SORCS3: variants seen among roughly 807,000 people sequenced by gnomAD.
The protein encoded by SORCS3 is VPS10 domain-containing receptor SorCS3.
In SORCS3, 57 loss-of-function variants were observed where a neutral mutation model predicts 146.3. The ratio of observed to expected loss-of-function variants is 0.39; its 90% CI spans 0.31 to 0.49. The LOEUF is 0.49. Among genes scored for constraint, SORCS3 ranks in the 20% least tolerant of loss-of-function variants. The pLI is 0.92. For missense variants in SORCS3, 1,341 were observed against 1,575.5 expected, an observed-to-expected ratio of 0.85 and a Z score of 2.52; for synonymous variants, 653 against 618.5, an observed-to-expected ratio of 1.06 and a Z score of -0.83.
chr10:104,989,362 C>A (rs1024435816), intron 4 of SORCS3, among the ~76,000 whole-genome samples: 4 of 152,156 alleles, frequency 2.6e-5, no homozygotes, highest in African/African-American at 9.7e-5. Context: ...AGAACATTGA[C>A]TTCTTACTTA....
At chr10:104,886,967 G>A (rs911039196) in intron 2 of SORCS3, among the ~76,000 whole-genome samples, 1 of 152,162 alleles carries the variant, frequency 6.6e-6, no homozygotes, top group Non-Finnish European at 1.5e-5. Context: ...TAATATTTAT[G>A]TGGGAGTATT....
chr10:104,960,635 A>C (rs764225447), intron 3 of SORCS3, among the ~76,000 whole-genome samples: 6 of 152,192 alleles, frequency 3.9e-5, no homozygotes, highest in Non-Finnish European at 8.8e-5. Context: ...TTGATACATT[A>C]GTAAGGACAG....
rs72813694 is a variant in SORCS3 at position 104,744,098 on chromosome 10, C to T, written c.628-98694C>T. 6.5e-3 allele frequency among the ~76,000 whole-genome samples: 991 copies of T among 152,310 alleles called. 2 individuals are homozygous for T. The highest frequency in any genetic ancestry group is 0.014 in the Admixed American group (218 of 15,294). On this transcript the variant is annotated intron_variant, in intron 1 of 26. Transcript: ENST00000369701. ...ATGAAGAAATCAACCCTTAAAAACT[C>T]GGTGGGCTTGCCCATGGTGGCTGGC...
chr10:104,648,682 T>C (rs2015524717), intron 1 of SORCS3, among the ~76,000 whole-genome samples: 1 of 152,250 alleles, frequency 6.6e-6, no homozygotes, highest in Non-Finnish European at 1.5e-5. Flanking sequence ...GAATCAAGCC[T>C]GGTTACATCA....
intron 4 of SORCS3, among the ~76,000 whole-genome samples, chr10:104,984,981 C>T (rs2054953846): frequency 6.6e-6 from 1 of 152,106 alleles, no homozygotes. Flanking sequence ...TTATAGATGA[C>T]TCCTAAGGGT....
At chr10:104,749,923 A>T (rs536329776) in intron 1 of SORCS3, among the ~76,000 whole-genome samples, 1 of 152,352 alleles carries the variant, frequency 6.6e-6, no homozygotes, top group East Asian at 1.9e-4. Flanking sequence ...TTCCTTGCAA[A>T]AACAATGAAA....
intron 3 of SORCS3, among the ~76,000 whole-genome samples, chr10:104,927,771 G>A (rs543052023): frequency 2.6e-5 from 4 of 152,008 alleles, no homozygotes; most frequent in Admixed American, 6.5e-5. Flanking sequence ...CTAGCTACTC[G>A]GGAGGCTGAG....
At chr10:105,254,499 C>T (rs2119758749) in intron 23 of SORCS3, among the ~76,000 whole-genome samples, 1 of 152,312 alleles carries the variant, frequency 6.6e-6, no homozygotes, top group East Asian at 1.9e-4. Flanking sequence ...CTATAGTTGT[C>T]TCTCAGTATA....
At chr10:104,731,618 T>C (rs1232764260) in intron 1 of SORCS3, among the ~76,000 whole-genome samples, 3 of 152,216 alleles carry the variant, frequency 2.0e-5, no homozygotes, top group Non-Finnish European at 4.4e-5. Context: ...CACTGTGATG[T>C]GTCTCCATGT....
At chr10:105,188,863 G>A (rs2056495823) in intron 14 of SORCS3, among the ~76,000 whole-genome samples, 1 of 152,194 alleles carries the variant, frequency 6.6e-6, no homozygotes, top group South Asian at 2.1e-4. Context: ...CTGGGTGAAA[G>A]GATTGAGTCG....
intron 12 of SORCS3, among the ~76,000 whole-genome samples, chr10:105,165,513 A>G (rs904785313): frequency 2.0e-5 from 3 of 152,176 alleles, no homozygotes; most frequent in African/African-American, 7.2e-5. Context: ...CGTTGTAAAA[A>G]TTAACAAGTA....
chr10:104,978,912 C>T (rs931949820), intron 4 of SORCS3, among the ~76,000 whole-genome samples: 1 of 152,188 alleles, frequency 6.6e-6, no homozygotes, highest in Non-Finnish European at 1.5e-5. Context: ...CCTTCTCTCT[C>T]CTGGTTCACT....
chr10:104,887,880 A>G (rs777218687), intron 2 of SORCS3, among the ~76,000 whole-genome samples: 3 of 147,420 alleles, frequency 2.0e-5, no homozygotes, highest in Non-Finnish European at 3.0e-5. Context: ...TGAGGTGTCT[A>G]AGTACAGATG....
chr10:104,847,172 G>A (rs975644576), intron 2 of SORCS3, among the ~76,000 whole-genome samples: 19 of 152,144 alleles, frequency 1.2e-4, no homozygotes, highest in Admixed American at 1.2e-3. Flanking sequence ...CTCTGCCTCA[G>A]TTGGTGGCAT....
intron 18 of SORCS3, 100 bp from the exon 19 acceptor site, chr10:105,216,836 A>G (rs1314798930): frequency 2.6e-6 from 3 of 1,141,552 alleles, no homozygotes; most frequent in East Asian, 2.4e-5. Context: ...GGGAAAGACT[A>G]TGGGTCATCA....
At chr10:104,690,983 G>A (rs1368877723) in intron 1 of SORCS3, among the ~76,000 whole-genome samples, 2 of 152,228 alleles carry the variant, frequency 1.3e-5, no homozygotes, top group Non-Finnish European at 2.9e-5. Flanking sequence ...TAGTTCAGGT[G>A]TGTGATTACA....
chr10:105,242,476 T>TTATATATATTTA (rs1473661831), intron 20 of SORCS3, among the ~76,000 whole-genome samples: 2 of 79,688 alleles, frequency 2.5e-5, no homozygotes, highest in Non-Finnish European at 4.3e-5. Flanking sequence ...ATTTATATAT[T>TTATATATATTTA]TATATATTTA....
intron 5 of SORCS3, among the ~76,000 whole-genome samples, chr10:105,065,801 AG>A (rs1470732525): frequency 6.6e-6 from 1 of 152,224 alleles, no homozygotes. Context: ...GAAAAAAGAA[AG>A]AAAAATCCAA....
At chr10:104,822,244 C>A in intron 1 of SORCS3, 1 of 354,402 alleles carries the variant, frequency 2.8e-6, no homozygotes, top group Admixed American at 3.7e-5. Context: ...ATTGTTTAGA[C>A]CAGAGTCAAC....
Sources: gnomAD v4.1 joint callset for allele counts (sites outside exome capture counted in the v4.1 genomes callset) on GRCh38, gnomAD v4.1.1 for gene constraint, MANE v1.5 for transcripts, NCBI Gene and HGNC (gene_info 2026-07-23, HGNC 2026-07-21) for gene names.